Variants in CHD1L observed in about 807,000 individuals in gnomAD.
CHD1L encodes chromodomain helicase DNA binding protein 1 like, also known as ATP-dependent chromatin remodeler CHD1L.
A neutral mutation model predicts 115.9 loss-of-function variants in CHD1L; 118 were observed. The ratio of observed to expected loss-of-function variants is 1.02; its 90% CI spans 0.88 to 1.19. The LOEUF is 1.19. Ranked by LOEUF, CHD1L falls within the 50% of genes most tolerant of loss-of-function variation. The probability of loss-of-function intolerance (pLI) is 0.00; values close to 1 mark genes in which losing one functional copy is unlikely to be tolerated. For synonymous variants in CHD1L, 411 were observed against 387.1 expected (o/e 1.06, Z -0.72); for missense variants, 1,179 against 1,065.3 (o/e 1.11, Z -1.49).
the CHD1L span, chr1:147,175,128 G>T: frequency 6.6e-6 from 1 of 152,100 alleles, no homozygotes; most frequent in South Asian, 2.1e-4. Context: ...ACCAAGGATA[G>T]GTATAACATC....
At chr1:147,263,071 G>A (rs1375221050) in intron 6 of CHD1L, among the ~76,000 whole-genome samples, 1 of 151,952 alleles carries the variant, frequency 6.6e-6, no homozygotes, top group East Asian at 1.9e-4. Context: ...ACATATGTAT[G>A]TATGTGCATA....
chr1:147,240,896 C>G (rs1460498321), upstream of CHD1L, among the ~76,000 whole-genome samples: 1 of 152,178 alleles, frequency 6.6e-6, no homozygotes, highest in Non-Finnish European at 1.5e-5. Flanking sequence ...TCAATAAATA[C>G]TAAGGGAACT....
intron 12 of CHD1L, among the ~76,000 whole-genome samples, chr1:147,272,933 C>A (rs911302194): frequency 2.8e-4 from 41 of 146,572 alleles, no homozygotes; most frequent in African/African-American, 1.0e-3. Flanking sequence ...GGCACGGTGG[C>A]CCATGCCTGT....
chr1:147,218,153 A>G, the CHD1L span, among the ~76,000 whole-genome samples: 12 of 152,352 alleles, frequency 7.9e-5, no homozygotes, highest in Non-Finnish European at 1.6e-4. Context: ...ATATTTTTGT[A>G]TAACTTAAAT....
chr1:147,196,174 ATAACT>A, the CHD1L span, among the ~76,000 whole-genome samples: 2 of 152,168 alleles, frequency 1.3e-5, 1 homozygote, highest in South Asian at 4.1e-4. Flanking sequence ...GCATACTCTA[ATAACT>A]ATCCTGGTGT....
At chr1:147,224,661 C>T in the CHD1L span, among the ~76,000 whole-genome samples, 1 of 152,072 alleles carries the variant, frequency 6.6e-6, no homozygotes, top group African/African-American at 2.4e-5. Flanking sequence ...ATGCACCCGC[C>T]ACCACGCCCG....
At chr1:147,278,004 A>G (rs1245606434) in intron 14 of CHD1L, among the ~76,000 whole-genome samples, 3 of 152,100 alleles carry the variant, frequency 2.0e-5, no homozygotes, top group Non-Finnish European at 4.4e-5. Context: ...TGGGGCCACA[A>G]ACGAGTGGGA....
At chr1:147,280,625 C>T (rs1030136146) in intron 15 of CHD1L, among the ~76,000 whole-genome samples, 2 of 152,134 alleles carry the variant, frequency 1.3e-5, no homozygotes, top group Non-Finnish European at 2.9e-5. Flanking sequence ...ATCAACAGTG[C>T]GGACTTTGTC....
the CHD1L span, chr1:147,178,121 T>G: frequency 1.3e-6 from 2 of 1,589,684 alleles, no homozygotes; most frequent in Non-Finnish European, 1.7e-6. Flanking sequence ...GCCATGTGCC[T>G]CCGCCGCCCA....
chr1:147,267,340 G>A (rs782705790), intron 8 of CHD1L, 86 bp from the exon 9 acceptor site: 9 of 899,872 alleles, frequency 1.0e-5, no homozygotes, highest in Non-Finnish European at 1.6e-5. Flanking sequence ...AATGATTAAG[G>A]TTACTTGTAA....
At chr1:147,272,437 T>G in intron 12 of CHD1L, 156 bp downstream of exon 12, 1 of 564,336 alleles carries the variant, frequency 1.8e-6, no homozygotes. Context: ...TGGTGCTGTT[T>G]TCTATCCAGC....
intron 1 of CHD1L, among the ~76,000 whole-genome samples, chr1:147,248,166 C>T (rs935471553): frequency 7.3e-5 from 11 of 151,654 alleles, no homozygotes; most frequent in Non-Finnish European, 1.5e-4. Flanking sequence ...TTCTTGTAGA[C>T]AATTTATAAT....
Position 147,285,418 on chromosome 1 carries a change from C to T in CHD1L, c.1949C>T (p.Ala650Val). 6.2e-7 allele frequency: 1 copy of T among 1,613,976 alleles called. No homozygotes were observed. Among genetic ancestry groups the T allele is most frequent in the East Asian group, 2.2e-5 (1 of 44,866 alleles). ...GACAGACAGAAGAAAAGACAAGAAG[C>T]AGCTGCCAAGAGAAGGAGACTCATA... ...LEDRQKKRQE[A>V]AAKRRRLIEE... The change falls in exon 17 of 23, where the codon GCA (alanine) becomes GTA (valine). Residue 650 changes from alanine to valine, a missense_variant. Ala to Val is a moderately conservative substitution (Grantham distance 64). Transcript: ENST00000369258.
the CHD1L span, among the ~76,000 whole-genome samples, chr1:147,228,861 T>G: frequency 6.6e-6 from 1 of 152,180 alleles, no homozygotes; most frequent in African/African-American, 2.4e-5. Flanking sequence ...GGGTTGTTTG[T>G]TTTTTTCTTG....
the CHD1L span, chr1:147,205,011 T>G: frequency 1.3e-6 from 1 of 780,842 alleles, no homozygotes; most frequent in Non-Finnish European, 2.2e-6. Flanking sequence ...CTGATGAACC[T>G]GGAGATACAT....
At chr1:147,256,400 C>CT (rs1205945096) in intron 4 of CHD1L, 131 bp from the exon 5 acceptor site, 44 of 805,306 alleles carry the variant, frequency 5.5e-5, no homozygotes, top group South Asian at 7.4e-5. Flanking sequence ...ATTCTCAGAA[C>CT]TTTTTTTTAC....
rs782451462 is a variant in CHD1L at position 147,284,420 on chromosome 1, T to C, written c.1775T>C (p.Phe592Ser). Residue 592 changes from phenylalanine (F) to serine (S), a missense_variant, in exon 16 of 23, where the codon TTT (phenylalanine) becomes TCT (serine). Phe to Ser is a radical substitution (Grantham distance 155). Transcript: ENST00000369258. ...CCCAGTAAGGAAGACAGAAAATCAT[T>C]TGAACAACTGGTAAACCTTCAGAAA... ...KEPSKEDRKSFEQLVNLQKTL... is the reference protein window; with the variant it reads ...KEPSKEDRKSSEQLVNLQKTL... 1.2e-6 allele frequency: 2 copies of C among 1,612,448 alleles called. No homozygotes were observed. The highest frequency in any genetic ancestry group is 1.1e-5 in the South Asian group (1 of 90,786).
the CHD1L span, chr1:147,204,758 G>A: frequency 0.046 from 70,439 of 1,533,656 alleles, 1,818 homozygotes; most frequent in African/African-American, 0.092. Context: ...TTCTCCAAGT[G>A]GTTGATAACC....
chr1:147,187,270 TG>T, the CHD1L span: 11 of 1,527,214 alleles, frequency 7.2e-6, 1 homozygote, highest in South Asian at 1.4e-4. Flanking sequence ...ACAGAAACCA[TG>T]GCCTGTCAAT....
Sources: gnomAD v4.1 joint callset for allele counts (sites outside exome capture counted in the v4.1 genomes callset) on GRCh38, gnomAD v4.1.1 for gene constraint, MANE v1.5 for transcripts, NCBI Gene and HGNC (gene_info 2026-07-23, HGNC 2026-07-21) for gene names.